FAM83B: variants seen among roughly 807,000 people sequenced by gnomAD.
FAM83B encodes the protein scaffolding CK1 anchoring protein B.
FAM83B carries 26 observed loss-of-function variants against 38.8 expected under a neutral mutation model. The ratio of observed to expected loss-of-function variants is 0.67; its 90% CI spans 0.49 to 0.93. The LOEUF (loss-of-function observed/expected upper bound fraction) is 0.93. Among genes scored for constraint, FAM83B ranks in the 40% least tolerant of loss-of-function variants. FAM83B has a pLI of 0.00. For synonymous variants in FAM83B, 419 were observed against 423.1 expected, an observed-to-expected ratio of 0.99 and a Z score of 0.12; for missense variants, 1,237 against 1,197.3, an observed-to-expected ratio of 1.03 and a Z score of -0.49.
chr6:54,862,528 C>T (rs1771610853), intron 1 of FAM83B, among the ~76,000 whole-genome samples: 1 of 152,082 alleles, frequency 6.6e-6, no homozygotes. Context: ...TTCGCTTCTT[C>T]CTCCGTAAAA....
intron 1 of FAM83B, among the ~76,000 whole-genome samples, chr6:54,867,126 A>G (rs943916690): frequency 6.6e-6 from 1 of 151,718 alleles, no homozygotes; most frequent in South Asian, 2.1e-4. Flanking sequence ...GTGTATGATA[A>G]AAGAATATGC....
intron 2 of FAM83B, among the ~76,000 whole-genome samples, chr6:54,897,506 A>G (rs995880351): frequency 1.3e-5 from 2 of 152,190 alleles, no homozygotes; most frequent in Non-Finnish European, 2.9e-5. Context: ...AGAAATCCTA[A>G]TAACAGTTTC....
At chr6:54,884,299 TAAA>T (rs70983475) in intron 2 of FAM83B, among the ~76,000 whole-genome samples, 11 of 82,290 alleles carry the variant, frequency 1.3e-4, no homozygotes, top group South Asian at 4.7e-4. Flanking sequence ...AGACCCCGTC[TAAA>T]AAAAAAAAAA....
intron 2 of FAM83B, among the ~76,000 whole-genome samples, chr6:54,922,628 AC>A (rs1344202510): frequency 6.6e-6 from 1 of 152,040 alleles, no homozygotes; most frequent in Non-Finnish European, 1.5e-5. Context: ...GTGGGAAGCT[AC>A]TGGAATGATT....
intron 4 of FAM83B, among the ~76,000 whole-genome samples, chr6:54,932,595 CTCTCTACCATCCT>C (rs1310974281): frequency 1.3e-5 from 2 of 152,146 alleles, no homozygotes; most frequent in Non-Finnish European, 2.9e-5. Context: ...CTTTGTGTTG[CTCTCTACCATCCT>C]TTTATTTCAA....
At chr6:54,904,254 A>G (rs993916163) in intron 2 of FAM83B, among the ~76,000 whole-genome samples, 2 of 152,202 alleles carry the variant, frequency 1.3e-5, no homozygotes, top group African/African-American at 4.8e-5. Context: ...GATGATCAGT[A>G]CATATGCTGA....
chr6:54,881,445 T>C (rs1327327099), intron 2 of FAM83B, among the ~76,000 whole-genome samples: 1 of 152,192 alleles, frequency 6.6e-6, no homozygotes, highest in Non-Finnish European at 1.5e-5. Context: ...AATCACATTT[T>C]GAATTTTTTT....
At chr6:54,906,241 G>A (rs1422669353) in intron 2 of FAM83B, among the ~76,000 whole-genome samples, 2 of 152,016 alleles carry the variant, frequency 1.3e-5, no homozygotes, top group Non-Finnish European at 2.9e-5. Flanking sequence ...ACCATTAAGA[G>A]CAGACAAAAG....
chr6:54,935,947 G>A (rs1773515576), intron 4 of FAM83B, among the ~76,000 whole-genome samples: 1 of 152,052 alleles, frequency 6.6e-6, no homozygotes, highest in Admixed American at 6.6e-5. Flanking sequence ...GGAAGGAGGA[G>A]TGCTAGATGA....
At chr6:54,859,827 G>C (rs958664627) in intron 1 of FAM83B, among the ~76,000 whole-genome samples, 1 of 152,018 alleles carries the variant, frequency 6.6e-6, no homozygotes, top group African/African-American at 2.4e-5. Context: ...TGATATGCAG[G>C]GTTTTGAATC....
intron 2 of FAM83B, among the ~76,000 whole-genome samples, chr6:54,874,790 T>G (rs567679634): frequency 6.6e-6 from 1 of 152,264 alleles, no homozygotes; most frequent in African/African-American, 2.4e-5. Context: ...TCAAGACACA[T>G]AAGCAAAAGT....
intron 4 of FAM83B, among the ~76,000 whole-genome samples, chr6:54,931,354 C>T (rs1245962313): frequency 1.3e-5 from 2 of 152,230 alleles, no homozygotes; most frequent in African/African-American, 4.8e-5. Flanking sequence ...TCTTCTGTCT[C>T]ATTGCATTCA....
rs528299170 is a variant in FAM83B at position 54,859,691 on chromosome 6, T to C, written c.-60-10496T>C. On this transcript the variant is annotated intron_variant, in intron 1 of 4. Transcript: ENST00000306858. Reference sequence around the variant, plus strand: ...TGACACTGTGTGTCAGTGAGCTACTTACTAAGCCCTAATTAAGTACATCTA... The same window carrying C: ...TGACACTGTGTGTCAGTGAGCTACTCACTAAGCCCTAATTAAGTACATCTA... Among the ~76,000 whole-genome samples, 3 of 152,368 alleles carry C rather than the reference T, an allele frequency of 2.0e-5. No homozygotes were observed. The East Asian group carries it at 5.8e-4, about 29-fold the overall frequency.
chr6:54,865,802 C>A (rs1226322588), intron 1 of FAM83B, among the ~76,000 whole-genome samples: 1 of 151,998 alleles, frequency 6.6e-6, no homozygotes, highest in African/African-American at 2.4e-5. Context: ...CAAACTGATA[C>A]TAGGTTTGGT....
intron 2 of FAM83B, among the ~76,000 whole-genome samples, chr6:54,892,477 G>A (rs1304743335): frequency 6.6e-6 from 1 of 151,694 alleles, no homozygotes; most frequent in Admixed American, 6.6e-5. Flanking sequence ...ATATGTCCAT[G>A]TGTTCTCATC....
chr6:54,915,375 C>A (rs1321492620), intron 2 of FAM83B, among the ~76,000 whole-genome samples: 2 of 152,292 alleles, frequency 1.3e-5, no homozygotes, highest in East Asian at 1.9e-4. Flanking sequence ...CCGTTAGAAG[C>A]AATTAGCCAA....
intron 4 of FAM83B, among the ~76,000 whole-genome samples, chr6:54,929,010 T>A (rs1474633671): frequency 6.6e-6 from 1 of 152,152 alleles, no homozygotes; most frequent in Non-Finnish European, 1.5e-5. Context: ...TAAGTTACTA[T>A]TTATGATAGT....
intron 2 of FAM83B, among the ~76,000 whole-genome samples, chr6:54,900,317 G>T (rs916445579): frequency 6.6e-6 from 1 of 152,130 alleles, no homozygotes; most frequent in African/African-American, 2.4e-5. Flanking sequence ...GGCATATCAG[G>T]ATCTCTGGGG....
chr6:54,851,478 GGTTT>G (rs1164631053), intron 1 of FAM83B, among the ~76,000 whole-genome samples: 3 of 151,562 alleles, frequency 2.0e-5, no homozygotes, highest in East Asian at 1.9e-4. Flanking sequence ...GTTTTGGTTT[GGTTT>G]GTTTTTTTGT....
Sources: allele counts gnomAD v4.1 joint callset (sites outside exome capture counted in the v4.1 genomes callset), GRCh38; gene constraint gnomAD v4.1.1; transcripts MANE v1.5; gene names NCBI Gene and HGNC (gene_info 2026-07-23, HGNC 2026-07-21).